The following NTM variants were observed in gnomAD, a reference collection of about 807,000 sequenced individuals.
The protein encoded by NTM is neurotrimin.
A neutral mutation model predicts 42.1 loss-of-function variants in NTM; 13 were observed. The ratio of observed to expected loss-of-function variants is 0.31; its 90% confidence interval spans 0.20 to 0.49. NTM has a LOEUF of 0.49. NTM is among the 20% of genes least tolerant of loss of function. NTM has a pLI of 0.99. For synonymous variants in NTM, 187 were observed against 179.2 expected (o/e 1.04, Z -0.35); for missense variants, 373 against 452.8 (o/e 0.82, Z 1.60).
intron 1 of NTM, among the ~76,000 whole-genome samples, chr11:131,532,430 G>C (rs897292970): frequency 1.3e-5 from 2 of 152,212 alleles, no homozygotes; most frequent in Non-Finnish European, 2.9e-5. Context: ...AACTCCTCCA[G>C]TGTATGCATA....
At position 132,162,753 on chromosome 11, in the gene NTM, G is replaced by A. The variant is rs1443679926; in HGVS notation, c.400+16239G>A. Among the ~76,000 whole-genome samples the A allele has an allele frequency of 3.5e-5, 3 of 86,782 alleles. No homozygotes were observed. The East Asian group carries it at 8.4e-4, about 24-fold the overall frequency. 56.9% of individuals were successfully genotyped at this position (86,782 alleles called of 152,430 possible). On this transcript the variant is annotated intron_variant, in intron 3 of 8. Transcript: ENST00000683400. ...CATGTGTGAGTGTGTGTATGTGTTTGTGTGGGACATGTGTGTGTTTGTGGG... is the reference window on the plus strand; with the variant it reads ...CATGTGTGAGTGTGTGTATGTGTTTATGTGGGACATGTGTGTGTTTGTGGG...
At chr11:132,279,728 C>A (rs2093894153) in intron 4 of NTM, among the ~76,000 whole-genome samples, 1 of 152,122 alleles carries the variant, frequency 6.6e-6, no homozygotes, top group African/African-American at 2.4e-5. Context: ...TAATAACTCA[C>A]CTTCTCCACC....
chr11:132,207,306 C>G (rs939425815), intron 3 of NTM, among the ~76,000 whole-genome samples: 4 of 152,082 alleles, frequency 2.6e-5, no homozygotes, highest in Non-Finnish European at 4.4e-5. Context: ...AGCACGAACC[C>G]TTATTGTGAA....
At chr11:132,084,606 T>A (rs1353282529) in intron 2 of NTM, among the ~76,000 whole-genome samples, 2 of 152,182 alleles carry the variant, frequency 1.3e-5, no homozygotes, top group East Asian at 3.9e-4. Context: ...CTTGATGTTG[T>A]GAACTAGAAT....
chr11:131,501,761 G>T (rs2046860255), intron 1 of NTM, among the ~76,000 whole-genome samples: 1 of 152,186 alleles, frequency 6.6e-6, no homozygotes, highest in African/African-American at 2.4e-5. Flanking sequence ...GAGGGAGTTA[G>T]AGAAAGCAAA....
At chr11:132,194,379 A>C (rs1013516195) in intron 3 of NTM, among the ~76,000 whole-genome samples, 1 of 152,174 alleles carries the variant, frequency 6.6e-6, no homozygotes, top group Non-Finnish European at 1.5e-5. Context: ...TGATCGTCTC[A>C]ATAAATGCTG....
chr11:132,158,582 CCT>C (rs2137558937), intron 3 of NTM, among the ~76,000 whole-genome samples: 1 of 152,296 alleles, frequency 6.6e-6, no homozygotes, highest in African/African-American at 2.4e-5. Flanking sequence ...TTCCCAAGTG[CCT>C]AGAACAGGGT....
chr11:131,640,523 T>G (rs2065006166), intron 1 of NTM, among the ~76,000 whole-genome samples: 2 of 152,168 alleles, frequency 1.3e-5, no homozygotes, highest in South Asian at 4.1e-4. Flanking sequence ...TTCTTGCTAA[T>G]GAGGCTGGCT....
At chr11:131,561,493 G>T (rs1302294288) in intron 1 of NTM, among the ~76,000 whole-genome samples, 1 of 152,158 alleles carries the variant, frequency 6.6e-6, no homozygotes. Flanking sequence ...AGAGTGAAAG[G>T]ATAGTGGGTG....
rs2070422145 is a variant in NTM, at chr11:132,146,381, C to G, written c.267C>G (p.Val89=). 1 of 1,614,066 alleles carries G rather than the reference C, an allele frequency of 6.2e-7. No homozygotes were observed. Among genetic ancestry groups the G allele is most frequent in the African/African-American group, 1.3e-5 (1 of 74,926 alleles). Residue 89 remains valine (V), a synonymous_variant, in exon 3 of 9, where the codon GTC becomes GTG. Transcript: ENST00000683400. This position sits in a 1 kb window ranked among gnomAD's most constrained non-coding sequence, Gnocchi z 4.5. ...AGTGGTGCCTGGATCCTCGCGTGGTCCTTCTGAGCAACACCCAAACGCAGT... is the reference window on the plus strand; with the variant it reads ...AGTGGTGCCTGGATCCTCGCGTGGTGCTTCTGAGCAACACCCAAACGCAGT... The part of the protein sequence containing the change: ...NDKWCLDPRV[V]LLSNTQTQYS...
chr11:131,478,379 T>C (rs1485951696), intron 1 of NTM, among the ~76,000 whole-genome samples: 1 of 152,212 alleles, frequency 6.6e-6, no homozygotes, highest in African/African-American at 2.4e-5. Flanking sequence ...TATGGACACC[T>C]TGCCTAAGAG....
At chr11:132,078,917 A>G (rs2058690967) in intron 2 of NTM, among the ~76,000 whole-genome samples, 1 of 152,212 alleles carries the variant, frequency 6.6e-6, no homozygotes, top group East Asian at 1.9e-4. Flanking sequence ...TTCAATAAGG[A>G]GAAGTCCAAC....
intron 2 of NTM, among the ~76,000 whole-genome samples, chr11:132,103,354 C>T (rs150984753): frequency 3.9e-5 from 6 of 152,306 alleles, no homozygotes; most frequent in East Asian, 1.9e-4. Context: ...TTTGCTATTG[C>T]GCTGGCATTT....
intron 3 of NTM, among the ~76,000 whole-genome samples, chr11:132,184,485 A>G (rs987428981): frequency 2.6e-5 from 4 of 152,164 alleles, no homozygotes; most frequent in Non-Finnish European, 5.9e-5. Context: ...GATTGGCTTA[A>G]GGTGGAGAGC....
intron 1 of NTM, among the ~76,000 whole-genome samples, chr11:131,789,627 AG>A (rs1482037901): frequency 1.1e-5 from 1 of 90,782 alleles, no homozygotes; most frequent in African/African-American, 4.3e-5. Context: ...AAGAAGAAGA[AG>A]AAGAAGAAAA....
At chr11:131,947,789 T>G (rs961222848) in intron 2 of NTM, among the ~76,000 whole-genome samples, 1 of 152,182 alleles carries the variant, frequency 6.6e-6, no homozygotes, top group Non-Finnish European at 1.5e-5. Flanking sequence ...AGTGATGGTG[T>G]TCTCTCCTAG....
intron 1 of NTM, among the ~76,000 whole-genome samples, chr11:131,483,645 G>A (rs1017389378): frequency 2.0e-5 from 3 of 152,072 alleles, no homozygotes; most frequent in Non-Finnish European, 2.9e-5. Context: ...AACACTCAGT[G>A]ACTTTGAGTC....
At chr11:131,962,713 C>T (rs2062356553) in intron 2 of NTM, among the ~76,000 whole-genome samples, 1 of 152,202 alleles carries the variant, frequency 6.6e-6, no homozygotes, top group Non-Finnish European at 1.5e-5. Flanking sequence ...GTCCTCATTG[C>T]TTATGCCATT....
chr11:132,178,150 T>G (rs1566390654), intron 3 of NTM, among the ~76,000 whole-genome samples: 1 of 152,200 alleles, frequency 6.6e-6, no homozygotes, highest in Non-Finnish European at 1.5e-5. Context: ...CCAACCTGTC[T>G]CCTTACAGAT....
Sources: allele counts gnomAD v4.1 joint callset (sites outside exome capture counted in the v4.1 genomes callset), GRCh38; gene constraint gnomAD v4.1.1; non-coding constraint Gnocchi (gnomAD v3.1); transcripts MANE v1.5; gene names NCBI Gene and HGNC (gene_info 2026-07-23, HGNC 2026-07-21).